PRTG: variants seen among roughly 807,000 people sequenced by gnomAD.
The protein encoded by PRTG is immunoglobulin superfamily, DCC subclass, member 5.
A neutral mutation model predicts 122.5 loss-of-function variants in PRTG; 67 were observed. The observed-to-expected ratio is 0.55, with a 90% CI of 0.45 to 0.67. PRTG has a LOEUF of 0.67. Among genes scored for constraint, PRTG ranks in the 30% least tolerant of loss-of-function variants. The probability of loss-of-function intolerance (pLI) is 0.00; values close to 1 mark genes in which losing one functional copy is unlikely to be tolerated. For missense variants in PRTG, 1,435 were observed against 1,415.4 expected, an observed-to-expected ratio of 1.01 and a Z score of -0.22; for synonymous variants, 554 against 501.1, an observed-to-expected ratio of 1.11 and a Z score of -1.41.
intron 11 of PRTG, among the ~76,000 whole-genome samples, chr15:55,668,457 C>A (rs1242790732): frequency 6.6e-6 from 1 of 152,188 alleles, no homozygotes; most frequent in South Asian, 2.1e-4. Context: ...TATCAGGGAA[C>A]AAAAGTATGT....
chr15:55,657,477 A>C (rs572192217), intron 11 of PRTG, among the ~76,000 whole-genome samples: 1 of 152,318 alleles, frequency 6.6e-6, no homozygotes, highest in Admixed American at 6.5e-5. Context: ...TTGTTAAGTG[A>C]TCCTAGATAC....
intron 2 of PRTG, among the ~76,000 whole-genome samples, chr15:55,696,487 C>T (rs944318802): frequency 1.3e-5 from 2 of 152,202 alleles, no homozygotes; most frequent in South Asian, 2.1e-4. Flanking sequence ...TGAAGACTGA[C>T]ATGCAACTGA....
At chr15:55,704,668 T>C (rs1185609645) in intron 2 of PRTG, among the ~76,000 whole-genome samples, 2 of 152,220 alleles carry the variant, frequency 1.3e-5, no homozygotes, top group African/African-American at 4.8e-5. Flanking sequence ...AAATGCCTGT[T>C]ATGCCACACA....
At chr15:55,700,136 G>A (rs527394225) in intron 2 of PRTG, among the ~76,000 whole-genome samples, 1 of 152,200 alleles carries the variant, frequency 6.6e-6, no homozygotes, top group South Asian at 2.1e-4. Context: ...GTACAGAAGA[G>A]TACAGAAATT....
At position 55,722,093 on chromosome 15, in the gene PRTG, A is replaced by T. The variant is rs1021611346; in HGVS notation, c.397+18289T>A. ...TCTGCAACTTACTTTTTTCAAGAAAAAGAGAGAGATGAAGTCAATGTGGCA... is the reference window on the plus strand; with the variant it reads ...TCTGCAACTTACTTTTTTCAAGAAATAGAGAGAGATGAAGTCAATGTGGCA... On this transcript the variant is annotated intron_variant, in intron 2 of 19. Coordinates refer to ENST00000389286, the MANE Select transcript of PRTG (RefSeq NM_173814.6). Among the ~76,000 whole-genome samples the T allele has an allele frequency of 2.6e-5, 4 of 152,318 alleles. No homozygotes were observed. In the East Asian group the frequency reaches 7.7e-4, roughly 29 times the overall value.
At chr15:55,666,229 C>T (rs1379826408) in intron 11 of PRTG, among the ~76,000 whole-genome samples, 1 of 152,224 alleles carries the variant, frequency 6.6e-6, no homozygotes, top group Non-Finnish European at 1.5e-5. Flanking sequence ...TACATCCTCA[C>T]ATGGTAGAGA....
At chr15:55,629,937 C>T (rs1281045422) in intron 15 of PRTG, among the ~76,000 whole-genome samples, 1 of 151,294 alleles carries the variant, frequency 6.6e-6, no homozygotes, top group African/African-American at 2.4e-5. Context: ...CCTGCCTCAC[C>T]CACCTGAGTA....
chr15:55,652,499 G>C (rs564426831), intron 11 of PRTG, among the ~76,000 whole-genome samples: 45 of 152,220 alleles, frequency 3.0e-4, no homozygotes, highest in Non-Finnish European at 6.2e-4. Flanking sequence ...GCTAGCCAGG[G>C]TGACTGCACT....
intron 15 of PRTG, among the ~76,000 whole-genome samples, chr15:55,631,782 G>A (rs1051688938): frequency 1.3e-5 from 2 of 152,052 alleles, no homozygotes; most frequent in Admixed American, 1.3e-4. Context: ...CTTTCCTCAC[G>A]GAGACAATAG....
intron 2 of PRTG, among the ~76,000 whole-genome samples, chr15:55,697,138 C>T (rs774440796): frequency 1.3e-5 from 2 of 152,180 alleles, no homozygotes; most frequent in Non-Finnish European, 2.9e-5. Flanking sequence ...AAGAGGGTAA[C>T]ACAAAACTGT....
chr15:55,625,115 C>T (rs1041075099), intron 17 of PRTG, among the ~76,000 whole-genome samples: 5 of 151,846 alleles, frequency 3.3e-5, no homozygotes, highest in African/African-American at 9.7e-5. Flanking sequence ...CCTAAAACAA[C>T]GTGTATTTGA....
At chr15:55,714,947 C>T (rs1032882919) in intron 2 of PRTG, among the ~76,000 whole-genome samples, 6 of 152,128 alleles carry the variant, frequency 3.9e-5, no homozygotes, top group Non-Finnish European at 8.8e-5. Flanking sequence ...CTTTACAGAG[C>T]TTTACACATA....
chr15:55,732,451 C>T (rs2031266116), intron 2 of PRTG, among the ~76,000 whole-genome samples: 1 of 150,160 alleles, frequency 6.7e-6, no homozygotes, highest in Admixed American at 6.6e-5. Context: ...TTCCAGAGTG[C>T]TGGGATTACA....
At chr15:55,709,366 T>A (rs1345544241) in intron 2 of PRTG, among the ~76,000 whole-genome samples, 1 of 147,178 alleles carries the variant, frequency 6.8e-6, no homozygotes, top group Non-Finnish European at 1.5e-5. Flanking sequence ...AAAATATATA[T>A]AAAATATACA....
chr15:55,742,054 A>C (rs2031625544), intron 1 of PRTG: 1 of 152,350 alleles, frequency 6.6e-6, no homozygotes, highest in African/African-American at 2.4e-5. Flanking sequence ...AAACGAGTTC[A>C]TCCAAGTTTG....
chr15:55,712,122 C>T (rs1243046714), intron 2 of PRTG, among the ~76,000 whole-genome samples: 2 of 152,198 alleles, frequency 1.3e-5, no homozygotes, highest in African/African-American at 4.8e-5. Flanking sequence ...GTAACCTCTT[C>T]AATCACAGAA....
intron 2 of PRTG, among the ~76,000 whole-genome samples, chr15:55,703,589 A>G (rs370029941): frequency 7.2e-5 from 11 of 152,212 alleles, no homozygotes; most frequent in East Asian, 5.8e-4. Flanking sequence ...AATAAATAGG[A>G]ACAGGTTGTC....
At chr15:55,645,166 T>C (rs2059313509) in intron 11 of PRTG, among the ~76,000 whole-genome samples, 1 of 151,880 alleles carries the variant, frequency 6.6e-6, no homozygotes, top group Admixed American at 6.6e-5. Context: ...CCGGGCGCGG[T>C]GGCTCACGCC....
At chr15:55,730,695 G>C (rs1333783424) in intron 2 of PRTG, among the ~76,000 whole-genome samples, 1 of 152,054 alleles carries the variant, frequency 6.6e-6, no homozygotes, top group East Asian at 1.9e-4. Context: ...AGCTACTTGG[G>C]AGGCTGAGGC....
Sources: gnomAD v4.1 joint callset for allele counts (sites outside exome capture counted in the v4.1 genomes callset) on GRCh38, gnomAD v4.1.1 for gene constraint, MANE v1.5 for transcripts, NCBI Gene and HGNC (gene_info 2026-07-23, HGNC 2026-07-21) for gene names.